Variants in NBEA observed in about 807,000 individuals in gnomAD.
NBEA encodes the protein neurobeachin.
Under a neutral mutation model 343.4 loss-of-function variants are expected in NBEA, and 44 were observed. The ratio of observed to expected loss-of-function variants is 0.13; its 90% confidence interval spans 0.10 to 0.16. The LOEUF (loss-of-function observed/expected upper bound fraction) is 0.16. Ranked by LOEUF, NBEA falls within the 10% of genes least tolerant of loss-of-function variation. NBEA has a pLI of 1.00. For synonymous variants in NBEA, 1,175 were observed against 1,238.7 expected (o/e 0.95, Z 1.08); for missense variants, 2,555 against 3,631.3 (o/e 0.70, Z 7.62).
At chr13:35,278,647 C>A (rs2152809580) in intron 34 of NBEA, among the ~76,000 whole-genome samples, 1 of 152,254 alleles carries the variant, frequency 6.6e-6, no homozygotes, top group Non-Finnish European at 1.5e-5. Context: ...TTTTCCATAT[C>A]ATTTCATTTC....
At chr13:35,401,864 T>C (rs2043016890) in intron 38 of NBEA, among the ~76,000 whole-genome samples, 1 of 152,028 alleles carries the variant, frequency 6.6e-6, no homozygotes, top group African/African-American at 2.4e-5. Flanking sequence ...TTTCTAGTCA[T>C]GATATATGCC....
rs528934447 is a variant in NBEA at position 35,045,021 on chromosome 13, A to G, written c.601A>G (p.Met201Val). The G allele has an allele frequency of 1.9e-6, 3 of 1,611,050 alleles. No individual in the cohort carries two copies. The highest frequency in any genetic ancestry group is 1.1e-5 in the South Asian group (1 of 90,310). The change falls in exon 3 of 59, where the codon ATG becomes GTG. Residue 201 changes from methionine to valine, a missense_variant. By Grantham distance (21) the Met-to-Val change is conservative. Around this residue, in one of 21 missense-constraint regions of NBEA, gnomAD observed 185 missense variants for 290.6 expected, o/e 0.64. Transcript: ENST00000379939. ...CAAGGAGTTGAAGCTTTTGTTCAGC[A>G]TGCTTCGAGGAGAAAGTGGAATCTG... ...TVKELKLLFS[M>V]LRGESGIWPR...
At chr13:35,269,104 T>C (rs1232602366) in intron 34 of NBEA, among the ~76,000 whole-genome samples, 2 of 152,174 alleles carry the variant, frequency 1.3e-5, no homozygotes, top group Non-Finnish European at 2.9e-5. Flanking sequence ...AAATGGTTTC[T>C]GTGTGAATAT....
chr13:35,418,062 C>G (rs749164550), intron 38 of NBEA, among the ~76,000 whole-genome samples: 4 of 152,114 alleles, frequency 2.6e-5, no homozygotes, highest in Non-Finnish European at 5.9e-5. Flanking sequence ...AGGATTGCAA[C>G]CCCTGCTTTG....
intron 38 of NBEA, among the ~76,000 whole-genome samples, chr13:35,397,983 T>G (rs552867913): frequency 3.9e-5 from 6 of 152,172 alleles, no homozygotes; most frequent in Non-Finnish European, 7.4e-5. Context: ...CAGTATGTGA[T>G]GCTGTTTGAT....
Position 35,373,485 on chromosome 13 carries a change from G to T in NBEA, c.6179+21162G>T, listed in dbSNP as rs549025292. 3.3e-5 allele frequency among the ~76,000 whole-genome samples: 5 copies of T among 152,162 alleles called. No individual in the cohort carries two copies. In the East Asian group the frequency reaches 9.7e-4, roughly 29 times the overall value. On this transcript the variant is annotated intron_variant, in intron 38 of 58. Coordinates refer to ENST00000379939, the MANE Select transcript of NBEA (RefSeq NM_001385012.1). ...CTTTGGGAGATCGAGGCAGGCAATT[G>T]CTTGAGTCCAGGAGTTTGAGACCAG...
chr13:35,446,629 A>C (rs1039701375), intron 39 of NBEA, among the ~76,000 whole-genome samples: 1 of 152,172 alleles, frequency 6.6e-6, no homozygotes, highest in Admixed American at 6.5e-5. Flanking sequence ...GCAGACAAAA[A>C]CATTCAGCTT....
At chr13:35,563,140 T>TAGATAGATAG (rs150275668) in intron 44 of NBEA, among the ~76,000 whole-genome samples, 8,140 of 133,232 alleles carry the variant, frequency 0.061, 244 homozygotes, top group Middle Eastern at 0.076. Flanking sequence ...TGGAGATAGA[T>TAGATAGATAG]AGATAGATAG....
chr13:35,002,578 G>A (rs1170433079), intron 1 of NBEA, among the ~76,000 whole-genome samples: 1 of 152,112 alleles, frequency 6.6e-6, no homozygotes, highest in Admixed American at 6.5e-5. Flanking sequence ...GAAAATGACT[G>A]TATTAAAACT....
chr13:35,210,169 CTATTT>C (rs1318203973), intron 32 of NBEA, among the ~76,000 whole-genome samples: 2 of 151,576 alleles, frequency 1.3e-5, no homozygotes, highest in Admixed American at 1.3e-4. Context: ...TTTTTAATTT[CTATTT>C]TAAGAATTAA....
At chr13:35,616,725 A>G (rs1040044488) in intron 48 of NBEA, among the ~76,000 whole-genome samples, 1 of 152,256 alleles carries the variant, frequency 6.6e-6, no homozygotes, top group African/African-American at 2.4e-5. Context: ...TTTAAAATTT[A>G]TAATTGCTCA....
intron 1 of NBEA, among the ~76,000 whole-genome samples, chr13:35,002,025 G>T (rs902060175): frequency 6.6e-6 from 1 of 152,090 alleles, no homozygotes; most frequent in Admixed American, 6.6e-5. Context: ...AATTATGGGG[G>T]AATAGCCAGT....
At chr13:35,425,975 G>T (rs914871635) in intron 38 of NBEA, among the ~76,000 whole-genome samples, 1 of 151,818 alleles carries the variant, frequency 6.6e-6, no homozygotes, top group East Asian at 1.9e-4. Flanking sequence ...GCAACCCCTG[G>T]CTTTTTCTGT....
At chr13:35,186,543 C>G (rs929017153) in intron 30 of NBEA, 5 of 152,032 alleles carry the variant, frequency 3.3e-5, no homozygotes, top group African/African-American at 1.2e-4. Context: ...ATCAACATAC[C>G]TGTGTGACAC....
chr13:35,245,627 G>T (rs1380160829), intron 34 of NBEA, among the ~76,000 whole-genome samples: 2 of 152,160 alleles, frequency 1.3e-5, no homozygotes, highest in Non-Finnish European at 2.9e-5. Context: ...ATCCCTTCTA[G>T]CTTGTAGGGT....
intron 34 of NBEA, among the ~76,000 whole-genome samples, chr13:35,271,968 A>T (rs936621669): frequency 1.3e-5 from 2 of 152,208 alleles, no homozygotes; most frequent in South Asian, 2.1e-4. Context: ...CCAACCTAGC[A>T]AGACAGGCCA....
At chr13:35,328,950 AG>A (rs1257951262) in intron 36 of NBEA, among the ~76,000 whole-genome samples, 1 of 151,978 alleles carries the variant, frequency 6.6e-6, no homozygotes, top group Non-Finnish European at 1.5e-5. Flanking sequence ...ACTGATATAA[AG>A]ATAGACAGAT....
At chr13:35,397,078 A>G (rs1466721295) in intron 38 of NBEA, among the ~76,000 whole-genome samples, 1 of 152,200 alleles carries the variant, frequency 6.6e-6, no homozygotes, top group East Asian at 1.9e-4. Flanking sequence ...AGTAAGATAA[A>G]GTAAAAATTT....
At chr13:35,027,870 G>A (rs1191006144) in intron 1 of NBEA, among the ~76,000 whole-genome samples, 1 of 151,842 alleles carries the variant, frequency 6.6e-6, no homozygotes, top group Non-Finnish European at 1.5e-5. Context: ...TATCTTATAG[G>A]TGGAGGTTCA....
Sources: allele counts gnomAD v4.1 joint callset (sites outside exome capture counted in the v4.1 genomes callset), GRCh38; gene constraint gnomAD v4.1.1; regional missense constraint gnomAD v4.1.1; transcripts MANE v1.5; gene names NCBI Gene and HGNC (gene_info 2026-07-23, HGNC 2026-07-21).